The following ZNF227 variants were observed in gnomAD, a reference collection of about 807,000 sequenced individuals.
The protein encoded by ZNF227 is zinc finger protein 227.
ZNF227 carries 12 observed loss-of-function variants against 13.2 expected under a neutral mutation model. The observed-to-expected ratio is 0.91, with a 90% CI of 0.58 to 1.47. ZNF227 has a LOEUF of 1.47. Among genes scored for constraint, ZNF227 ranks in the 40% most tolerant of loss-of-function variants. The pLI is 0.00. For missense variants in ZNF227, 885 were observed against 967.5 expected (o/e 0.91, Z 1.13); for synonymous variants, 338 against 326.0 (o/e 1.04, Z -0.40).
chr19:44,215,491 T>C (rs1971784697), intron 2 of ZNF227, among the ~76,000 whole-genome samples: 1 of 151,852 alleles, frequency 6.6e-6, no homozygotes, highest in Non-Finnish European at 1.5e-5. Context: ...ATAATTTGCT[T>C]TTACTATCTG....
At chr19:44,210,989 T>A (rs1344505479), upstream of ZNF227, among the ~76,000 whole-genome samples, 2 of 152,108 alleles carry the variant, frequency 1.3e-5, no homozygotes, top group Admixed American at 1.3e-4. Flanking sequence ...AGGTCAGGAA[T>A]TCAAGACTAG....
chr19:44,219,013 A>G (rs1176509661), intron 3 of ZNF227, among the ~76,000 whole-genome samples: 1 of 152,102 alleles, frequency 6.6e-6, no homozygotes, highest in Non-Finnish European at 1.5e-5. Context: ...TCAGCCTCCC[A>G]AGTAGCTGGG....
In ZNF227 at chr19:44,236,854, T is replaced by G. The variant is rs1974565398; in HGVS notation, c.*24T>G. On this transcript the variant is annotated 3_prime_UTR_variant, in exon 6 of 6. Transcript: ENST00000313040. ...AGAAATGAGAAATGTGTTACCAACT[T>G]TTGTCTGAATGCACATCTTCAAGTT... The G allele has an allele frequency of 1.3e-6, 2 of 1,532,290 alleles. No homozygotes were observed. Among genetic ancestry groups the G allele is most frequent in the Non-Finnish European group, 1.8e-6 (2 of 1,141,602 alleles). The allele number at this position is 1,532,290 out of a possible 1,614,324, so 94.9% of individuals were successfully genotyped here.
chr19:44,226,369 C>T (rs1408604528), intron 3 of ZNF227, among the ~76,000 whole-genome samples: 2 of 152,206 alleles, frequency 1.3e-5, no homozygotes, highest in Non-Finnish European at 2.9e-5. Flanking sequence ...TGTGCCCTGC[C>T]CCTAGAGGTG....
intron 3 of ZNF227, among the ~76,000 whole-genome samples, chr19:44,226,607 G>A (rs563832837): frequency 1.2e-4 from 18 of 152,320 alleles, no homozygotes; most frequent in South Asian, 4.1e-4. Flanking sequence ...CTGGTGTGCC[G>A]TTTTTTAAGT....
intron 5 of ZNF227, among the ~76,000 whole-genome samples, chr19:44,231,416 A>G (rs1973832142): frequency 1.3e-5 from 2 of 151,728 alleles, no homozygotes; most frequent in Admixed American, 1.3e-4. Context: ...GCTCACTGCA[A>G]CCTTCGCCTC....
Position 44,228,466 on chromosome 19 carries a change from T to C in ZNF227, c.81T>C (p.Asp27=), listed in dbSNP as rs748259833. ...TKFQEAVTFK[D]VAVVFSREEL... is the part of the protein sequence containing the mutation. ...TGTAGGAGGCTGTGACATTCAAGGA[T>C]GTGGCTGTGGTCTTCTCCAGGGAGG... Residue 27 remains aspartate, a synonymous_variant, in exon 4 of 6, where the codon GAT becomes GAC. Transcript: ENST00000313040. 195 of 1,613,064 alleles carry C rather than the reference T, an allele frequency of 1.2e-4. No individual in the cohort carries two copies. In the Admixed American group the frequency reaches 3.2e-3, roughly 26 times the overall value.
chr19:44,208,203 G>C (rs1279354826), upstream of ZNF227, among the ~76,000 whole-genome samples: 1 of 152,080 alleles, frequency 6.6e-6, no homozygotes, highest in African/African-American at 2.4e-5. Flanking sequence ...TTCTACTTTT[G>C]ACCACTATGT....
upstream of ZNF227, among the ~76,000 whole-genome samples, chr19:44,210,383 G>A (rs2122622072): frequency 6.6e-6 from 1 of 152,272 alleles, no homozygotes; most frequent in South Asian, 2.1e-4. Flanking sequence ...ATTTGTACTT[G>A]ATATCAACCC....
chr19:44,220,520 C>A (rs1199791879), intron 3 of ZNF227, among the ~76,000 whole-genome samples: 2 of 151,980 alleles, frequency 1.3e-5, no homozygotes, highest in Non-Finnish European at 2.9e-5. Context: ...ATCACAGTAT[C>A]CACATCTATA....
chr19:44,212,914 A>G (rs1198865194), intron 1 of ZNF227, among the ~76,000 whole-genome samples, 176 bp from the exon 2 acceptor site: 1 of 152,158 alleles, frequency 6.6e-6, no homozygotes, highest in Non-Finnish European at 1.5e-5. Flanking sequence ...GTGGCACCTG[A>G]TACTGGGTTG....
chr19:44,232,664 GT>G (rs1234651990), intron 5 of ZNF227, among the ~76,000 whole-genome samples: 1 of 150,094 alleles, frequency 6.7e-6, no homozygotes, highest in East Asian at 2.0e-4. Flanking sequence ...TAAATTGCTT[GT>G]TTTTTTGTTT....
intron 2 of ZNF227, among the ~76,000 whole-genome samples, chr19:44,215,842 G>T (rs1436194914): frequency 6.6e-6 from 1 of 151,920 alleles, no homozygotes; most frequent in Admixed American, 6.6e-5. Context: ...ACAAAAATTA[G>T]CCAGACGTGG....
chr19:44,222,563 TTGTC>T (rs1398410775), intron 3 of ZNF227, among the ~76,000 whole-genome samples: 6 of 151,698 alleles, frequency 4.0e-5, no homozygotes, highest in African/African-American at 1.2e-4. Flanking sequence ...GGCTCTCTGT[TTGTC>T]TGTTATTGGT....
At chr19:44,223,193 A>G (rs1972737981) in intron 3 of ZNF227, among the ~76,000 whole-genome samples, 1 of 152,158 alleles carries the variant, frequency 6.6e-6, no homozygotes, top group African/African-American at 2.4e-5. Context: ...TTTTTACATC[A>G]ATGTTCATCA....
intron 3 of ZNF227, among the ~76,000 whole-genome samples, chr19:44,218,580 T>G (rs1015409914): frequency 7.2e-5 from 11 of 152,250 alleles, no homozygotes; most frequent in African/African-American, 2.7e-4. Flanking sequence ...TTGTATGAAT[T>G]TATTTCATCA....
In ZNF227 at chr19:44,235,823, A is replaced by T. The variant is rs763210840; in HGVS notation, c.1393A>T (p.Lys465Ter). Reference protein sequence around the residue: ...RRVHTGEKPYKCEACGKGFTR... With the variant: ...RRVHTGEKPY ...AGTCCACACAGGAGAGAAGCCATAC[A>T]AGTGTGAGGCGTGTGGGAAAGGCTT... The change falls in exon 6 of 6, where the codon AAG becomes TAG. Residue 465 changes from lysine (K) to a stop codon, truncating the protein, a stop_gained. Coordinates refer to ENST00000313040, the MANE Select transcript of ZNF227 (RefSeq NM_182490.3). LOFTEE classifies it low-confidence loss of function (END_TRUNC). 6.2e-7 allele frequency: 1 copy of T among 1,613,976 alleles called. No homozygotes were observed. The highest frequency in any genetic ancestry group is 1.7e-5 in the Admixed American group (1 of 60,004).
Position 44,236,892 on chromosome 19 carries a change from A to C in ZNF227, c.*62A>C, listed in dbSNP as rs576621281. 1 of 1,397,382 alleles carries C rather than the reference A, an allele frequency of 7.2e-7. No homozygotes were observed. Among genetic ancestry groups the C allele is most frequent in the Non-Finnish European group, 9.7e-7 (1 of 1,032,882 alleles). The allele number at this position is 1,397,382 out of a possible 1,614,324, so 86.6% of individuals were successfully genotyped here. ...ACATCTTCAAGTTTTTGGCTAGTCC[A>C]TGCTGGTGGTAAACCCTGTAAAACT... On this transcript the variant is annotated 3_prime_UTR_variant, in exon 6 of 6. Coordinates refer to ENST00000313040, the MANE Select transcript of ZNF227 (RefSeq NM_182490.3).
At chr19:44,217,464 T>C (rs1972008088) in intron 2 of ZNF227, 1 of 540,060 alleles carries the variant, frequency 1.9e-6, no homozygotes, top group Non-Finnish European at 3.6e-6. Context: ...TCCCCAAGGT[T>C]ACACAGCTGG....
Sources: gnomAD v4.1 joint callset for allele counts (sites outside exome capture counted in the v4.1 genomes callset) on GRCh38, gnomAD v4.1.1 for gene constraint, MANE v1.5 for transcripts, NCBI Gene and HGNC (gene_info 2026-07-23, HGNC 2026-07-21) for gene names.